The following CALCR variants were observed in gnomAD, a reference collection of about 807,000 sequenced individuals.
The protein encoded by CALCR is calcitonin receptor.
Under a neutral mutation model 59.5 loss-of-function variants are expected in CALCR, and 47 were observed. The observed-to-expected ratio is 0.79, with a 90% CI of 0.63 to 1.01. The LOEUF is 1.01. Ranked by LOEUF, CALCR falls within the 50% of genes least tolerant of loss-of-function variation. The pLI, the probability that CALCR is intolerant of heterozygous loss-of-function variation, is 0.00. For synonymous variants in CALCR, 213 were observed against 211.3 expected (o/e 1.01, Z -0.07); for missense variants, 566 against 597.1 (o/e 0.95, Z 0.54).
chr7:93,518,017 C>A (rs1801683255), intron 2 of CALCR, among the ~76,000 whole-genome samples: 1 of 151,688 alleles, frequency 6.6e-6, no homozygotes. Context: ...GTCCCTACAT[C>A]TAAATAAATT....
At chr7:93,479,587 G>T in intron 3 of CALCR, 80 bp from the exon 4 acceptor site, 1 of 1,330,250 alleles carries the variant, frequency 7.5e-7, no homozygotes, top group South Asian at 1.5e-5. Flanking sequence ...GAAAAAGTTT[G>T]AAAACATTTA....
intron 2 of CALCR, among the ~76,000 whole-genome samples, chr7:93,500,280 T>A (rs1801294625): frequency 6.6e-6 from 1 of 151,960 alleles, no homozygotes. Context: ...TAATGATAGT[T>A]CATCCTCTTG....
At chr7:93,546,273 C>T (rs892704929) in intron 2 of CALCR, among the ~76,000 whole-genome samples, 4 of 152,032 alleles carry the variant, frequency 2.6e-5, no homozygotes, top group Admixed American at 6.6e-5. Context: ...TAATAACATC[C>T]CTGTTCACTC....
intron 3 of CALCR, among the ~76,000 whole-genome samples, chr7:93,480,313 C>T (rs1554400358): frequency 6.6e-6 from 1 of 151,854 alleles, no homozygotes; most frequent in Non-Finnish European, 1.5e-5. Context: ...TCTTTTGTGG[C>T]TATGACCAAT....
chr7:93,521,299 T>C (rs1252509616), intron 2 of CALCR, among the ~76,000 whole-genome samples: 2 of 152,096 alleles, frequency 1.3e-5, no homozygotes, highest in African/African-American at 2.4e-5. Flanking sequence ...CAAAGGCACT[T>C]GGTAGGAAGA....
rs1382916592 is a variant in CALCR at position 93,425,063 on chromosome 7, ACT to A, written c.*1291_*1292del. On this transcript the variant is annotated 3_prime_UTR_variant, in exon 14 of 14. Transcript: ENST00000426151. ...AAATTAAATAATGGTAACTCTGATT[ACT>A]GTTGCAAATTCACAAATTAATTTCA... The A allele has an allele frequency of 6.6e-6, 1 of 152,642 alleles. No homozygotes were observed. The highest frequency in any genetic ancestry group is 2.4e-5 in the African/African-American group (1 of 41,472). The allele number at this position is 152,642 out of a possible 1,614,324, so 9.5% of individuals were successfully genotyped here. A position where few individuals can be genotyped will look rare whatever the true frequency, so the allele number is the denominator to read the frequency against.
chr7:93,500,222 T>C (rs1473509420), intron 2 of CALCR, among the ~76,000 whole-genome samples: 1 of 151,942 alleles, frequency 6.6e-6, no homozygotes, highest in East Asian at 1.9e-4. Flanking sequence ...GCTTCAATAT[T>C]CTGCAGTGAA....
chr7:93,468,866 C>T (rs1174975434), intron 6 of CALCR, 60 bp from the exon 7 acceptor site: 1 of 894,778 alleles, frequency 1.1e-6, no homozygotes, highest in Non-Finnish European at 1.7e-6. Flanking sequence ...GAGAGAAAAT[C>T]ATTTCTATTT....
At chr7:93,466,500 A>C (rs1037213463) in intron 7 of CALCR, among the ~76,000 whole-genome samples, 1 of 151,876 alleles carries the variant, frequency 6.6e-6, no homozygotes, top group Non-Finnish European at 1.5e-5. Flanking sequence ...CAAGTATAAA[A>C]ATTTTATACA....
At chr7:93,528,233 T>C (rs968117542) in intron 2 of CALCR, among the ~76,000 whole-genome samples, 1 of 152,182 alleles carries the variant, frequency 6.6e-6, no homozygotes. Context: ...ACAATGTCTG[T>C]TCAAAGTACA....
intron 9 of CALCR, among the ~76,000 whole-genome samples, chr7:93,442,327 G>C (rs748106485): frequency 6.6e-6 from 1 of 152,092 alleles, no homozygotes; most frequent in Non-Finnish European, 1.5e-5. Context: ...CAATTTTGAG[G>C]CATCCCGCCT....
At chr7:93,530,744 C>A (rs1205413122) in intron 2 of CALCR, among the ~76,000 whole-genome samples, 3 of 152,048 alleles carry the variant, frequency 2.0e-5, no homozygotes, top group African/African-American at 4.8e-5. Context: ...ATACTCCAGC[C>A]TTATTACATC....
In CALCR at chr7:93,477,558, C is replaced by T. The variant is rs1800692034; in HGVS notation, c.316G>A (p.Glu106Lys). The change falls in exon 5 of 14, where the codon GAA becomes AAA. Residue 106 changes from glutamate (E) to lysine (K), a missense_variant and splice_region_variant. Glu to Lys is a moderately conservative substitution (Grantham distance 56, BLOSUM62 1). Transcript: ENST00000426151. ...PDYFPDFDPS[E>K]KVTKYCDEKG... ...CATAAAATGAAAATAAACACTCTAC[C>T]TGATGGATCAAAATCCGGAAAATAA... 1 of 1,590,810 alleles carries T rather than the reference C, an allele frequency of 6.3e-7. No homozygotes were observed. The highest frequency in any genetic ancestry group is 8.6e-7 in the Non-Finnish European group (1 of 1,160,244).
chr7:93,472,645 C>T (rs901383629), intron 5 of CALCR, among the ~76,000 whole-genome samples, 158 bp from the exon 6 acceptor site: 1 of 151,742 alleles, frequency 6.6e-6, no homozygotes, highest in Non-Finnish European at 1.5e-5. Flanking sequence ...ATGTATTATA[C>T]AAAGTGTATT....
chr7:93,476,029 C>G (rs1800659147), intron 5 of CALCR, among the ~76,000 whole-genome samples: 1 of 151,742 alleles, frequency 6.6e-6, no homozygotes, highest in African/African-American at 2.4e-5. Flanking sequence ...CCTAGAGATT[C>G]AAATTCTATT....
chr7:93,465,487 A>G (rs1800421546), intron 7 of CALCR, among the ~76,000 whole-genome samples: 1 of 151,950 alleles, frequency 6.6e-6, no homozygotes, highest in Admixed American at 6.6e-5. Context: ...TAAACTAAAT[A>G]CCATCCTAAT....
chr7:93,552,580 G>A (rs1348453994), intron 2 of CALCR, among the ~76,000 whole-genome samples: 2 of 152,130 alleles, frequency 1.3e-5, no homozygotes, highest in Non-Finnish European at 2.9e-5. Context: ...ATGGCCTAGA[G>A]TATGGCTGAA....
At chr7:93,463,182 C>T (rs1272221532) in intron 7 of CALCR, among the ~76,000 whole-genome samples, 1 of 151,774 alleles carries the variant, frequency 6.6e-6, no homozygotes, top group Admixed American at 6.6e-5. Flanking sequence ...TAACATGGAA[C>T]ATTATCCTGT....
chr7:93,427,419 A>G (rs1799553117), intron 13 of CALCR, among the ~76,000 whole-genome samples: 1 of 152,210 alleles, frequency 6.6e-6, no homozygotes, highest in East Asian at 1.9e-4. Context: ...AAACTAAAAA[A>G]GAGATTATTG....
Sources: allele counts gnomAD v4.1 joint callset (sites outside exome capture counted in the v4.1 genomes callset), GRCh38; gene constraint gnomAD v4.1.1; transcripts MANE v1.5; gene names NCBI Gene and HGNC (gene_info 2026-07-23, HGNC 2026-07-21).